ADAMTS20: variants seen among roughly 807,000 people sequenced by gnomAD.
ADAMTS20 encodes A disintegrin and metalloproteinase with thrombospondin motifs 20.
Under a neutral mutation model 260.1 loss-of-function variants are expected in ADAMTS20, and 225 were observed. That is an observed-to-expected ratio of 0.87 (90% CI 0.78 to 0.97). The LOEUF (loss-of-function observed/expected upper bound fraction) is 0.97. ADAMTS20 is among the 50% of genes least tolerant of loss of function. The pLI is 0.00. For synonymous variants in ADAMTS20, 802 were observed against 769.5 expected (o/e 1.04, Z -0.70); for missense variants, 2,400 against 2,337.7 (o/e 1.03, Z -0.55).
intron 37 of ADAMTS20, among the ~76,000 whole-genome samples, chr12:43,362,936 A>G (rs915076799): frequency 2.0e-5 from 3 of 152,102 alleles, no homozygotes; most frequent in African/African-American, 7.2e-5. Context: ...GCCTCCAGAA[A>G]GGAATGCAGC....
At position 43,431,462 on chromosome 12, in the gene ADAMTS20, C is replaced by T. The variant is rs777369534; in HGVS notation, c.3131G>A (p.Arg1044Gln). 39 of 1,613,814 alleles carry T rather than the reference C, an allele frequency of 2.4e-5. No individual in the cohort carries two copies. The highest frequency in any genetic ancestry group is 1.3e-4 in the African/African-American group (10 of 74,906). ...TACATTCAGCTGACACCATACCTGCCGCTGCTTTGTTCCTTTACCACATGT... is the reference window on the plus strand; with the variant it reads ...TACATTCAGCTGACACCATACCTGCTGCTGCTTTGTTCCTTTACCACATGT... ...LVTCGKGTKQ[R>Q]QVWCQLNVDH... The change falls in exon 22 of 39, where the codon CGG (arginine) becomes CAG (glutamine). Residue 1044 changes from arginine to glutamine, a missense_variant. Coordinates refer to ENST00000389420, the MANE Select transcript of ADAMTS20 (RefSeq NM_025003.5).
chr12:43,467,797 C>A (rs1383279754), intron 8 of ADAMTS20, among the ~76,000 whole-genome samples: 1 of 152,116 alleles, frequency 6.6e-6, no homozygotes, highest in Non-Finnish European at 1.5e-5. Context: ...TAAAAATTAT[C>A]TCCATTTGAA....
At chr12:43,424,068 T>G in intron 28 of ADAMTS20, 2 of 590,414 alleles carry the variant, frequency 3.4e-6, no homozygotes, top group Non-Finnish European at 6.0e-6. Context: ...TAAAGATGTT[T>G]GGGTAGGGCA....
chr12:43,464,592 A>C lies in ADAMTS20; in HGVS notation c.1508T>G (p.Ile503Arg), dbSNP rs541906590. The change falls in exon 10 of 39, where the codon ATA (isoleucine) becomes AGA (arginine). Residue 503 changes from isoleucine (I) to arginine (R), a missense_variant and splice_region_variant. Coordinates refer to ENST00000389420, the MANE Select transcript of ADAMTS20 (RefSeq NM_025003.5). ...FGPGSQMCPH[I>R]NICMHLWCTS... The stretch of plus-strand genomic sequence containing the variant: ...AATAAAGGAATTTTCTTTTCTTACT[A>C]TATGGGGACACATTTGTGACCCAGG... 2.5e-5 allele frequency: 41 copies of C among 1,611,790 alleles called. No individual in the cohort carries two copies. In the African/African-American group the frequency reaches 4.8e-4, roughly 19 times the overall value.
At position 43,462,987 on chromosome 12, in the gene ADAMTS20, G is replaced by A. The variant is rs777115765; in HGVS notation, c.1522C>T (p.His508Tyr). ...QMCPHINICMHLWCTSTEKLH... is the reference protein window; with the variant it reads ...QMCPHINICMYLWCTSTEKLH... ...TTTTCTGTGCTTGTGCACCACAGATGCATGCATATATTCTCCTGAGTAACA... is the reference window on the plus strand; with the variant it reads ...TTTTCTGTGCTTGTGCACCACAGATACATGCATATATTCTCCTGAGTAACA... Residue 508 changes from histidine to tyrosine, a missense_variant, in exon 11 of 39, where the codon CAT becomes TAT. By Grantham distance (83) the His-to-Tyr change is moderately conservative (BLOSUM62 2). Transcript: ENST00000389420. 204 of 1,602,964 alleles carry A rather than the reference G, an allele frequency of 1.3e-4. No individual in the cohort carries two copies. Among genetic ancestry groups the A allele is most frequent in the Non-Finnish European group, 1.6e-4 (188 of 1,174,312 alleles).
rs1479064357 is a variant in ADAMTS20, at chr12:43,423,796, A to T, written c.4284+1718T>A. On this transcript the variant is annotated intron_variant, in intron 28 of 38. Coordinates refer to ENST00000389420, the MANE Select transcript of ADAMTS20 (RefSeq NM_025003.5). ...TTGTCTCTGGATCACAGTGCCTAGG[A>T]TATAGTAGATGGTCAGTAACGACAT... is the stretch of plus-strand genomic sequence containing the variant. 5.7e-6 allele frequency: 4 copies of T among 703,240 alleles called. No homozygotes were observed. In the East Asian group the frequency reaches 1.1e-4, roughly 19 times the overall value. The allele number at this position is 703,240 out of a possible 1,614,324, so 43.6% of individuals were successfully genotyped here.
intron 29 of ADAMTS20, among the ~76,000 whole-genome samples, chr12:43,398,193 A>T (rs903997613): frequency 6.6e-5 from 10 of 152,128 alleles, no homozygotes; most frequent in Non-Finnish European, 1.2e-4. Context: ...GACCCATTGA[A>T]ATTAGTCCTC....
At chr12:43,358,836 CAAAA>C (rs151206551) in intron 37 of ADAMTS20, among the ~76,000 whole-genome samples, 3 of 61,256 alleles carry the variant, frequency 4.9e-5, no homozygotes, top group African/African-American at 1.7e-4. Context: ...AACTCCGTCT[CAAAA>C]AAAAAAAAAA....
At chr12:43,432,855 T>C in intron 19 of ADAMTS20, 44 bp from the exon 20 acceptor site, 1 of 1,487,482 alleles carries the variant, frequency 6.7e-7, no homozygotes, top group South Asian at 1.2e-5. Context: ...TATTACATAA[T>C]TTAAAAACAG....
intron 26 of ADAMTS20, 147 bp from the exon 27 acceptor site, chr12:43,427,616 A>G (rs1941358445): frequency 1.3e-6 from 1 of 752,008 alleles, no homozygotes; most frequent in Non-Finnish European, 1.9e-6. Context: ...TTGAATTGAG[A>G]AAATCTATCA....
intron 29 of ADAMTS20, among the ~76,000 whole-genome samples, chr12:43,386,105 G>A (rs899591385): frequency 1.3e-5 from 2 of 151,896 alleles, no homozygotes; most frequent in African/African-American, 4.8e-5. Flanking sequence ...AAAAAAACAG[G>A]TCCTGGATTC....
chr12:43,460,980 A>ATT (rs1350142313), intron 11 of ADAMTS20, among the ~76,000 whole-genome samples: 4 of 43,748 alleles, frequency 9.1e-5, no homozygotes, highest in African/African-American at 2.3e-4. Flanking sequence ...ATATATATAT[A>ATT]TATATATATT....
At chr12:43,401,528 A>G (rs1940809346) in intron 28 of ADAMTS20, among the ~76,000 whole-genome samples, 1 of 151,868 alleles carries the variant, frequency 6.6e-6, no homozygotes. Context: ...ACACTGCCAA[A>G]GTTAATAATT....
At chr12:43,424,018 T>A in intron 28 of ADAMTS20, 1 of 624,270 alleles carries the variant, frequency 1.6e-6, no homozygotes, top group Non-Finnish European at 2.8e-6. Flanking sequence ...GACCTACTCT[T>A]CAAATAACAT....
chr12:43,507,541 C>A (rs1942864394), intron 3 of ADAMTS20, among the ~76,000 whole-genome samples: 1 of 152,166 alleles, frequency 6.6e-6, no homozygotes, highest in Non-Finnish European at 1.5e-5. Context: ...GCACTGCCTG[C>A]AGAATCTCCC....
chr12:43,449,017 C>T (rs530298948), intron 14 of ADAMTS20, among the ~76,000 whole-genome samples: 6 of 152,130 alleles, frequency 3.9e-5, no homozygotes, highest in African/African-American at 7.2e-5. Flanking sequence ...GAAAAGAGAA[C>T]GGTTATACAC....
chr12:43,449,148 G>A (rs1941817488), intron 14 of ADAMTS20, among the ~76,000 whole-genome samples: 1 of 151,974 alleles, frequency 6.6e-6, no homozygotes, highest in African/African-American at 2.4e-5. Flanking sequence ...ATACCCAAAG[G>A]AATATAAGTT....
chr12:43,550,004 A>T (rs1943490705), intron 2 of ADAMTS20, among the ~76,000 whole-genome samples: 1 of 152,216 alleles, frequency 6.6e-6, no homozygotes, highest in South Asian at 2.1e-4. Context: ...ATACTTAGGA[A>T]CTGTAGAATC....
At chr12:43,496,204 G>C (rs1272562084) in intron 4 of ADAMTS20, among the ~76,000 whole-genome samples, 1 of 152,162 alleles carries the variant, frequency 6.6e-6, no homozygotes, top group Non-Finnish European at 1.5e-5. Context: ...TGTGCCAGAT[G>C]TGTTCAAGTT....
Sources: allele counts gnomAD v4.1 joint callset (sites outside exome capture counted in the v4.1 genomes callset), GRCh38; gene constraint gnomAD v4.1.1; transcripts MANE v1.5; gene names NCBI Gene and HGNC (gene_info 2026-07-23, HGNC 2026-07-21).